The following LONP2 variants were observed in gnomAD, a reference collection of about 807,000 sequenced individuals.
LONP2 encodes lon peptidase 2, peroxisomal.
In LONP2, 60 loss-of-function variants were observed where a neutral mutation model predicts 85.6. The observed-to-expected ratio is 0.70, with a 90% CI of 0.57 to 0.87. LONP2 has a LOEUF of 0.87. Among genes scored for constraint, LONP2 ranks in the 40% least tolerant of loss-of-function variants. LONP2 has a pLI of 0.00. For synonymous variants in LONP2, 395 were observed against 389.7 expected, an observed-to-expected ratio of 1.01 and a Z score of -0.16; for missense variants, 860 against 1,063.5, an observed-to-expected ratio of 0.81 and a Z score of 2.66.
chr16:48,250,371 A>G (rs1222879997), intron 1 of LONP2, among the ~76,000 whole-genome samples: 1 of 152,056 alleles, frequency 6.6e-6, no homozygotes, highest in Non-Finnish European at 1.5e-5. Context: ...AGTCCCAGCT[A>G]CTTGGGAGGC....
intron 1 of LONP2, among the ~76,000 whole-genome samples, chr16:48,244,901 C>T (rs559571747): frequency 1.3e-5 from 2 of 152,342 alleles, no homozygotes; most frequent in African/African-American, 2.4e-5. Flanking sequence ...CCCCTCTCCG[C>T]AATTCCTCGC....
intron 7 of LONP2, among the ~76,000 whole-genome samples, chr16:48,271,306 A>G (rs1215818188): frequency 1.3e-5 from 2 of 152,244 alleles, no homozygotes; most frequent in Non-Finnish European, 2.9e-5. Flanking sequence ...GCCTTGGGAA[A>G]GCATGAATTT....
At position 48,356,320 on chromosome 16, in the gene LONP2, A is replaced by G; in HGVS notation, c.*4518A>G. 6.5e-6 allele frequency: 1 copy of G among 153,492 alleles called. No homozygotes were observed. Among genetic ancestry groups the G allele is most frequent in the Non-Finnish European group, 1.5e-5 (1 of 68,834 alleles). The allele number at this position is 153,492 out of a possible 1,614,324, so 9.5% of individuals were successfully genotyped here. On this transcript the variant is annotated 3_prime_UTR_variant, in exon 15 of 15. Transcript: ENST00000285737. ...CTACTGAAATGAGGTCAACTTGACT[A>G]TTACTAAGGGACATTTTGCTACAAA... is the stretch of plus-strand genomic sequence containing the variant.
intron 8 of LONP2, among the ~76,000 whole-genome samples, chr16:48,284,137 G>A (rs1025791006): frequency 6.6e-6 from 1 of 152,198 alleles, no homozygotes; most frequent in Admixed American, 6.5e-5. Context: ...ATGAGGAGTT[G>A]CTTCTTACAG....
chr16:48,251,299 A>AT (rs1174485389), intron 1 of LONP2, among the ~76,000 whole-genome samples: 2 of 152,066 alleles, frequency 1.3e-5, no homozygotes, highest in Non-Finnish European at 2.9e-5. Context: ...AATATTATTT[A>AT]TTTTGGGATC....
chr16:48,277,522 G>C, intron 8 of LONP2, 43 bp downstream of exon 8: 1 of 1,589,440 alleles, frequency 6.3e-7, no homozygotes, highest in Non-Finnish European at 8.6e-7. Flanking sequence ...TACTGGAAGA[G>C]TATGGAGGAG....
At chr16:48,283,284 T>C (rs1273953718) in intron 8 of LONP2, among the ~76,000 whole-genome samples, 1 of 152,216 alleles carries the variant, frequency 6.6e-6, no homozygotes, top group Admixed American at 6.5e-5. Flanking sequence ...GCTAACATCA[T>C]TGATAAAGGT....
Position 48,309,964 on chromosome 16 carries a change from G to A in LONP2, c.1795+6659G>A, listed in dbSNP as rs73551462. Reference sequence around the variant, plus strand: ...TCTTTTCTTAGGCCTAGTAGTATTTGTTTTATTAATCTGGTACTCCAGTTT... The same window carrying A: ...TCTTTTCTTAGGCCTAGTAGTATTTATTTTATTAATCTGGTACTCCAGTTT... On this transcript the variant is annotated intron_variant, in intron 11 of 14. Transcript: ENST00000285737. Among the ~76,000 whole-genome samples, 1,093 of 151,062 alleles carry A rather than the reference G, an allele frequency of 7.2e-3. 13 individuals carry two copies. The highest frequency in any genetic ancestry group is 0.024 in the African/African-American group (1,000 of 41,124).
chr16:48,269,201 T>C (rs1002860126), intron 6 of LONP2, among the ~76,000 whole-genome samples: 2 of 133,330 alleles, frequency 1.5e-5, no homozygotes, highest in Admixed American at 1.5e-4. Context: ...ACATCATCTG[T>C]TTTTTTTTTT....
At chr16:48,308,221 C>T (rs957168979) in intron 11 of LONP2, among the ~76,000 whole-genome samples, 4 of 152,100 alleles carry the variant, frequency 2.6e-5, no homozygotes, top group African/African-American at 4.8e-5. Context: ...GCAAAGTAGA[C>T]AAAAACGTAC....
chr16:48,262,013 AT>A (rs1971889552), intron 5 of LONP2, among the ~76,000 whole-genome samples: 1 of 151,970 alleles, frequency 6.6e-6, no homozygotes, highest in Non-Finnish European at 1.5e-5. Context: ...CTCTTATTAC[AT>A]TTTCTTTTAT....
At chr16:48,278,348 C>T (rs1428542809) in intron 8 of LONP2, among the ~76,000 whole-genome samples, 1 of 152,066 alleles carries the variant, frequency 6.6e-6, no homozygotes. Context: ...TTCCTAGGTT[C>T]TCCCTTCACC....
intron 10 of LONP2, among the ~76,000 whole-genome samples, chr16:48,300,887 T>C (rs1210734483): frequency 1.3e-5 from 2 of 152,212 alleles, no homozygotes; most frequent in Non-Finnish European, 2.9e-5. Flanking sequence ...CTGTAAAATA[T>C]GAGGGATGGA....
At chr16:48,351,542 G>A in intron 14 of LONP2, 39 bp from the exon 15 acceptor site, 1 of 1,545,868 alleles carries the variant, frequency 6.5e-7, no homozygotes, top group Non-Finnish European at 8.9e-7. Flanking sequence ...CAGCTTGAGG[G>A]TGATCATTAA....
At chr16:48,361,490 A>G (rs949773923), downstream of LONP2, 4 of 1,353,648 alleles carry the variant, frequency 3.0e-6, no homozygotes, top group South Asian at 1.2e-5. Flanking sequence ...CCACCTACCG[A>G]AAGAGTTTTA....
chr16:48,318,268 C>T (rs1199235318), intron 11 of LONP2, among the ~76,000 whole-genome samples: 1 of 152,068 alleles, frequency 6.6e-6, no homozygotes, highest in African/African-American at 2.4e-5. Flanking sequence ...TCTGTAATCC[C>T]AGCACTTTGG....
At chr16:48,321,179 C>A (rs1386105660) in intron 11 of LONP2, among the ~76,000 whole-genome samples, 1 of 152,132 alleles carries the variant, frequency 6.6e-6, no homozygotes, top group Non-Finnish European at 1.5e-5. Context: ...GCCACCGCGC[C>A]CGGCCTGCAG....
intron 2 of LONP2, among the ~76,000 whole-genome samples, chr16:48,255,215 T>C (rs1227638592): frequency 6.6e-6 from 1 of 152,192 alleles, no homozygotes; most frequent in Non-Finnish European, 1.5e-5. Flanking sequence ...TAGTGGGGGT[T>C]GTGTCTGCCT....
chr16:48,295,356 A>C (rs913557423), intron 8 of LONP2, among the ~76,000 whole-genome samples: 1 of 152,226 alleles, frequency 6.6e-6, no homozygotes, highest in African/African-American at 2.4e-5. Context: ...TGGGCAACAG[A>C]GTAAGACTCT....
Sources: allele counts gnomAD v4.1 joint callset (sites outside exome capture counted in the v4.1 genomes callset), GRCh38; gene constraint gnomAD v4.1.1; transcripts MANE v1.5; gene names NCBI Gene and HGNC (gene_info 2026-07-23, HGNC 2026-07-21).